PPFIA3: variants seen among roughly 807,000 people sequenced by gnomAD.
The protein encoded by PPFIA3 is liprin-alpha-3.
A neutral mutation model predicts 145.8 loss-of-function variants in PPFIA3; 26 were observed. The ratio of observed to expected loss-of-function variants is 0.18; its 90% CI spans 0.13 to 0.25. The LOEUF (loss-of-function observed/expected upper bound fraction) is 0.25, where lower values mean the gene tolerates loss of function less well. Among genes scored for constraint, PPFIA3 ranks in the 10% least tolerant of loss-of-function variants. The pLI is 1.00. For synonymous variants in PPFIA3, 645 were observed against 661.4 expected (o/e 0.98, Z 0.38); for missense variants, 1,008 against 1,587.8 (o/e 0.63, Z 6.21).
chr19:49,150,382 C>T lies in PPFIA3; in HGVS notation c.*160C>T. Reference sequence around the variant, plus strand: ...AGACCAGCGGGAGTGCGCGCGCCCGCCTCGCACAGGGCCGGGGCCTGGACC... The same window carrying T: ...AGACCAGCGGGAGTGCGCGCGCCCGTCTCGCACAGGGCCGGGGCCTGGACC... On this transcript the variant is annotated 3_prime_UTR_variant, in exon 30 of 30. Coordinates refer to ENST00000334186, the MANE Select transcript of PPFIA3 (RefSeq NM_003660.4). The T allele has an allele frequency of 2.2e-6, 1 of 461,044 alleles. No individual in the cohort carries two copies. The highest frequency in any genetic ancestry group is 3.9e-6 in the Non-Finnish European group (1 of 256,724). The allele number at this position is 461,044 out of a possible 1,614,324, so 28.6% of individuals were successfully genotyped here.
At chr19:49,132,689 G>C (rs1257697482) in intron 7 of PPFIA3, among the ~76,000 whole-genome samples, 1 of 152,154 alleles carries the variant, frequency 6.6e-6, no homozygotes, top group African/African-American at 2.4e-5. Flanking sequence ...AAATTAGTGA[G>C]AAATCCAAGG....
chr19:49,136,464 C>T (rs1057360846), intron 14 of PPFIA3, among the ~76,000 whole-genome samples: 1 of 152,206 alleles, frequency 6.6e-6, no homozygotes, highest in East Asian at 1.9e-4. Context: ...TAGCGGGCGC[C>T]TGTAATCCCA....
chr19:49,139,619 C>T (rs202016157), intron 16 of PPFIA3, 49 bp from the exon 17 acceptor site: 13 of 1,515,854 alleles, frequency 8.6e-6, no homozygotes, highest in South Asian at 1.3e-5. Context: ...AAGGAGCCCC[C>T]GACATGACTC....
chr19:49,144,435 C>T (rs1347313849), intron 21 of PPFIA3, among the ~76,000 whole-genome samples: 1 of 152,114 alleles, frequency 6.6e-6, no homozygotes, highest in Non-Finnish European at 1.5e-5. Context: ...AGTTTAGGGC[C>T]AAGCACTGTG....
intron 5 of PPFIA3, 91 bp from the exon 6 acceptor site, chr19:49,129,902 C>A: frequency 7.3e-7 from 1 of 1,374,470 alleles, no homozygotes; most frequent in East Asian, 2.3e-5. Flanking sequence ...CATATGGGGC[C>A]GCCTATCCCC....
chr19:49,143,990 A>ATATTTTATTTTTTATTTT (rs1322394200), intron 21 of PPFIA3, among the ~76,000 whole-genome samples: 1 of 151,024 alleles, frequency 6.6e-6, no homozygotes, highest in Non-Finnish European at 1.5e-5. Flanking sequence ...ATTTTATACA[A>ATATTTTATTTTTTATTTT]TATTTTATTT....
In PPFIA3 at chr19:49,136,799, G is replaced by A. The variant is rs1346423785; in HGVS notation, c.1741G>A (p.Glu581Lys). 6.3e-7 allele frequency: 1 copy of A among 1,593,746 alleles called. No individual in the cohort carries two copies. ...PGELDGSDEE[E>K]AEGMFGAELL... ...GGAACTGGACGGCTCCGATGAGGAGGAGGCAGAGGGGATGTTTGGGGCCGA... is the reference window on the plus strand; with the variant it reads ...GGAACTGGACGGCTCCGATGAGGAGAAGGCAGAGGGGATGTTTGGGGCCGA... Residue 581 changes from glutamate (E) to lysine (K), a missense_variant, in exon 15 of 30, where the codon GAG (glutamate) becomes AAG (lysine). By Grantham distance (56) the Glu-to-Lys change is moderately conservative. This residue lies in a region of PPFIA3 where 121 missense variants were observed against 138.2 expected (regional missense o/e 0.88). Coordinates refer to ENST00000334186, the MANE Select transcript of PPFIA3 (RefSeq NM_003660.4).
chr19:49,141,263 A>G (rs2041217910), intron 18 of PPFIA3, among the ~76,000 whole-genome samples, 157 bp from the exon 19 acceptor site: 3 of 152,156 alleles, frequency 2.0e-5, no homozygotes, highest in African/African-American at 7.2e-5. Flanking sequence ...ACTCCAATTC[A>G]TGGGCGCTTG....
rs2041035663 is a variant in PPFIA3, at chr19:49,128,828, C to G, written c.343-20C>G. 6.3e-7 allele frequency: 1 copy of G among 1,581,686 alleles called. No homozygotes were observed. Among genetic ancestry groups the G allele is most frequent in the Non-Finnish European group, 8.6e-7 (1 of 1,163,888 alleles). The stretch of plus-strand genomic sequence containing the variant: ...TTTTCCCTTGCCTCTTTTCCTTGAC[C>G]CCATGCCGTGTGCTTGCAGCTGCTC... On this transcript the variant is annotated intron_variant, in intron 3 of 29. Coordinates refer to ENST00000334186, the MANE Select transcript of PPFIA3 (RefSeq NM_003660.4). The surrounding 1 kb of genome is among the most constrained non-coding windows in gnomAD (Gnocchi z 4.1).
intron 13 of PPFIA3, among the ~76,000 whole-genome samples, chr19:49,135,397 G>C (rs1180845328): frequency 6.6e-6 from 1 of 151,672 alleles, no homozygotes; most frequent in Non-Finnish European, 1.5e-5. Flanking sequence ...TTTTGAGACA[G>C]AGTCTCACTC....
intron 19 of PPFIA3, 108 bp downstream of exon 19, chr19:49,141,621 G>A (rs1462755311): frequency 5.9e-5 from 44 of 741,322 alleles, no homozygotes; most frequent in Middle Eastern, 3.2e-4. Flanking sequence ...TGTGTGAGAG[G>A]GTGTGTGAGT....
intron 7 of PPFIA3, among the ~76,000 whole-genome samples, chr19:49,131,653 G>A (rs1006115046): frequency 5.3e-5 from 8 of 151,612 alleles, no homozygotes; most frequent in South Asian, 2.1e-4. Context: ...GCGAGACCCC[G>A]TCACTACTTA....
chr19:49,144,799 T>C (rs1019281779), intron 21 of PPFIA3, among the ~76,000 whole-genome samples: 1 of 152,160 alleles, frequency 6.6e-6, no homozygotes, highest in Non-Finnish European at 1.5e-5. Flanking sequence ...TTGAATGTAA[T>C]TGGAGAAAGT....
intron 23 of PPFIA3, chr19:49,146,505 A>T: frequency 2.4e-6 from 1 of 422,694 alleles, no homozygotes; most frequent in Non-Finnish European, 4.3e-6. Context: ...GTGTCCCTAT[A>T]GTGGAGGGGG....
chr19:49,135,746 C>T, intron 13 of PPFIA3, 33 bp from the exon 14 acceptor site: 1 of 1,582,696 alleles, frequency 6.3e-7, no homozygotes, highest in Non-Finnish European at 8.6e-7. Context: ...TTCCTGACCC[C>T]TTGGTCTCTG....
intron 21 of PPFIA3, among the ~76,000 whole-genome samples, chr19:49,144,699 G>A (rs540345770): frequency 1.3e-5 from 2 of 151,578 alleles, no homozygotes; most frequent in African/African-American, 4.8e-5. Context: ...GGGTGACAGA[G>A]AAAGAGTGCA....
intron 16 of PPFIA3, 88 bp from the exon 17 acceptor site, chr19:49,139,580 C>G: frequency 1.4e-6 from 2 of 1,405,128 alleles, no homozygotes; most frequent in Non-Finnish European, 1.9e-6. Context: ...GGTCACCCCA[C>G]ACACACCTTA....
rs908114896 is a variant in PPFIA3 at position 49,139,816 on chromosome 19, G to C, written c.2225G>C (p.Gly742Ala). The change falls in exon 17 of 30, where the codon GGA becomes GCA. Residue 742 changes from glycine to alanine, a missense_variant. Around this residue, in one of 11 missense-constraint regions of PPFIA3, gnomAD observed 202 missense variants for 241.8 expected, o/e 0.84. Transcript: ENST00000334186. Reference protein sequence around the residue: ...ALQAGSLEDGGPPRGSEGTPD... With the variant: ...ALQAGSLEDGAPPRGSEGTPD... ...CAGGCGGGGTCCCTGGAAGATGGGG[G>C]ACCCCCACGGGGAAGGTCAGCAGGG... 6.2e-7 allele frequency: 1 copy of C among 1,610,946 alleles called. No individual in the cohort carries two copies. Among genetic ancestry groups the C allele is most frequent in the African/African-American group, 1.3e-5 (1 of 74,994 alleles).
chr19:49,133,449 G>T lies in PPFIA3; in HGVS notation c.1161+78G>T. 1 of 1,456,914 alleles carries T rather than the reference G, an allele frequency of 6.9e-7. No individual in the cohort carries two copies. 90.2% of individuals were successfully genotyped at this position (1,456,914 alleles called of 1,614,324 possible). ...AGGAGGCGGGGCCGTGAATCTGGAG[G>T]GGTAGGAGCGAGGTCAGAACCCCGG... On this transcript the variant is annotated intron_variant, in intron 9 of 29. Transcript: ENST00000334186. The surrounding 1 kb of genome is among the most constrained non-coding windows in gnomAD (Gnocchi z 7.2).
Sources: allele counts gnomAD v4.1 joint callset (sites outside exome capture counted in the v4.1 genomes callset), GRCh38; gene constraint gnomAD v4.1.1; regional missense constraint gnomAD v4.1.1; non-coding constraint Gnocchi (gnomAD v3.1); transcripts MANE v1.5; gene names NCBI Gene and HGNC (gene_info 2026-07-23, HGNC 2026-07-21).